The following PTPRD variants were observed in gnomAD, a reference collection of about 807,000 sequenced individuals.
PTPRD encodes receptor-type tyrosine-protein phosphatase delta.
PTPRD carries 34 observed loss-of-function variants against 214.5 expected under a neutral mutation model. The observed-to-expected ratio is 0.16, with a 90% CI of 0.12 to 0.21. PTPRD has a LOEUF of 0.21. Among genes scored for constraint, PTPRD ranks in the 10% least tolerant of loss-of-function variants. The pLI, the probability that PTPRD is intolerant of heterozygous loss-of-function variation, is 1.00. For missense variants in PTPRD, 2,545 were observed against 2,398.7 expected, an observed-to-expected ratio of 1.06 and a Z score of -1.27; for synonymous variants, 1,128 against 845.7, an observed-to-expected ratio of 1.33 and a Z score of -5.79.
intron 20 of PTPRD, among the ~76,000 whole-genome samples, chr9:8,520,848 C>T (rs896887730): frequency 2.0e-5 from 3 of 151,944 alleles, no homozygotes; most frequent in African/African-American, 7.3e-5. Context: ...ATGTTGATTT[C>T]AACTTTTTTT....
At chr9:10,023,406 G>T (rs768004332) in intron 4 of PTPRD, among the ~76,000 whole-genome samples, 1 of 152,088 alleles carries the variant, frequency 6.6e-6, no homozygotes, top group Non-Finnish European at 1.5e-5. Context: ...ACTCCTGTCC[G>T]TCCTTTTGTG....
intron 9 of PTPRD, among the ~76,000 whole-genome samples, chr9:9,206,321 G>A (rs1222634695): frequency 6.6e-6 from 1 of 152,200 alleles, no homozygotes. Context: ...TTGGAGGGTT[G>A]TGCGTAAAGG....
intron 10 of PTPRD, among the ~76,000 whole-genome samples, chr9:9,028,307 A>G (rs2099593975): frequency 6.6e-6 from 1 of 151,962 alleles, no homozygotes; most frequent in African/African-American, 2.4e-5. Context: ...TATTCACTAT[A>G]TTTCAGCTAT....
At chr9:9,447,304 T>TA (rs2090759223) in intron 8 of PTPRD, among the ~76,000 whole-genome samples, 1 of 151,962 alleles carries the variant, frequency 6.6e-6, no homozygotes. Context: ...GTAAATGTGC[T>TA]ATATATGTAC....
intron 35 of PTPRD, among the ~76,000 whole-genome samples, chr9:8,420,162 T>TA (rs1208048957): frequency 2.6e-5 from 4 of 152,110 alleles, no homozygotes; most frequent in Non-Finnish European, 4.4e-5. Context: ...TAAGTTTGGA[T>TA]AAAAACACTA....
chr9:8,389,197 T>C (rs2135626863), intron 37 of PTPRD, 35 bp downstream of exon 37: 2 of 1,557,032 alleles, frequency 1.3e-6, no homozygotes, highest in Non-Finnish European at 1.7e-6. Flanking sequence ...TGAGGGAAAA[T>C]TTTTAAAAGG....
chr9:9,279,326 A>ATATATATACCTAAATT (rs990298495), intron 9 of PTPRD, among the ~76,000 whole-genome samples: 6 of 145,378 alleles, frequency 4.1e-5, no homozygotes, highest in African/African-American at 1.5e-4. Flanking sequence ...ATATACAGAT[A>ATATATATACCTAAATT]TATATATACC....
At chr9:9,554,539 A>T (rs1363036103) in intron 8 of PTPRD, among the ~76,000 whole-genome samples, 2 of 151,980 alleles carry the variant, frequency 1.3e-5, no homozygotes, top group Non-Finnish European at 2.9e-5. Context: ...CTTGAAAGAA[A>T]TATATTCTGG....
At chr9:10,248,783 A>G (rs546967346) in intron 3 of PTPRD, among the ~76,000 whole-genome samples, 9 of 152,238 alleles carry the variant, frequency 5.9e-5, no homozygotes, top group African/African-American at 2.2e-4. Flanking sequence ...GAGTTTGGGT[A>G]GCTCAAAAAT....
chr9:8,719,765 G>C (rs1287949999), intron 12 of PTPRD, among the ~76,000 whole-genome samples: 1 of 151,920 alleles, frequency 6.6e-6, no homozygotes, highest in Non-Finnish European at 1.5e-5. Flanking sequence ...CTGGTCAAAA[G>C]GCATGCAAAA....
chr9:8,870,324 A>T (rs1199565262), intron 11 of PTPRD, among the ~76,000 whole-genome samples: 1 of 152,112 alleles, frequency 6.6e-6, no homozygotes, highest in Non-Finnish European at 1.5e-5. Context: ...GGAGGAGACA[A>T]TGTTGTTTTA....
intron 8 of PTPRD, among the ~76,000 whole-genome samples, chr9:9,529,631 T>G (rs2075018135): frequency 6.6e-6 from 1 of 152,076 alleles, no homozygotes; most frequent in African/African-American, 2.4e-5. Flanking sequence ...ACTTCTGTTA[T>G]AGTACCAGAT....
At chr9:10,468,255 G>A (rs1263447755) in intron 2 of PTPRD, among the ~76,000 whole-genome samples, 1 of 151,978 alleles carries the variant, frequency 6.6e-6, no homozygotes, top group Non-Finnish European at 1.5e-5. Context: ...CAACCCAAAG[G>A]CCCACCAATG....
At chr9:9,232,085 T>C (rs1208861610) in intron 9 of PTPRD, among the ~76,000 whole-genome samples, 1 of 152,214 alleles carries the variant, frequency 6.6e-6, no homozygotes, top group East Asian at 1.9e-4. Context: ...TTGTATGTTA[T>C]TGTGCAGGGG....
intron 12 of PTPRD, among the ~76,000 whole-genome samples, chr9:8,693,421 C>G (rs545684125): frequency 3.3e-5 from 5 of 152,300 alleles, no homozygotes; most frequent in Admixed American, 1.3e-4. Context: ...TGGAAAGAAA[C>G]TGTATCCTAG....
At chr9:9,210,846 G>A (rs568093345) in intron 9 of PTPRD, among the ~76,000 whole-genome samples, 1 of 151,176 alleles carries the variant, frequency 6.6e-6, no homozygotes, top group East Asian at 1.9e-4. Flanking sequence ...TGCACAAGTG[G>A]TTAATTTTGT....
chr9:9,753,666 T>G (rs1382469642), intron 6 of PTPRD, among the ~76,000 whole-genome samples: 1 of 152,046 alleles, frequency 6.6e-6, no homozygotes, highest in African/African-American at 2.4e-5. Context: ...ATCCACATTG[T>G]GCATCCTGGA....
chr9:8,625,050 G>C (rs908881118), intron 14 of PTPRD, among the ~76,000 whole-genome samples: 5 of 151,788 alleles, frequency 3.3e-5, no homozygotes, highest in African/African-American at 7.2e-5. Context: ...ATAAATGCCA[G>C]GAACATTTCT....
At chr9:8,377,116 T>C (rs1289209368) in intron 37 of PTPRD, among the ~76,000 whole-genome samples, 2 of 152,132 alleles carry the variant, frequency 1.3e-5, no homozygotes, top group African/African-American at 2.4e-5. Context: ...GGTAAGATAG[T>C]GTTACTTCAT....
Sources: gnomAD v4.1 joint callset for allele counts (sites outside exome capture counted in the v4.1 genomes callset) on GRCh38, gnomAD v4.1.1 for gene constraint, MANE v1.5 for transcripts, NCBI Gene and HGNC (gene_info 2026-07-23, HGNC 2026-07-21) for gene names.